Variants in TERB2 observed in about 807,000 individuals in gnomAD.
TERB2 encodes the protein telomere repeat binding bouquet formation protein 2.
A neutral mutation model predicts 29.8 loss-of-function variants in TERB2; 26 were observed. That is an observed-to-expected ratio of 0.87 (90% CI 0.64 to 1.21). The LOEUF (loss-of-function observed/expected upper bound fraction) is 1.21. Among genes scored for constraint, TERB2 ranks in the 50% most tolerant of loss-of-function variants. The probability of loss-of-function intolerance (pLI) is 0.00; values close to 1 mark genes in which losing one functional copy is unlikely to be tolerated. For missense variants in TERB2, 240 were observed against 268.6 expected, an observed-to-expected ratio of 0.89 and a Z score of 0.74; for synonymous variants, 80 against 90.8, an observed-to-expected ratio of 0.88 and a Z score of 0.68.
chr15:44,970,782 G>A (rs533622926), intron 5 of TERB2: 2 of 159,154 alleles, frequency 1.3e-5, no homozygotes, highest in East Asian at 3.6e-4. Context: ...CTTAGCTAGA[G>A]TTCTACTTCT....
In TERB2 at chr15:44,962,009, A is replaced by G. The variant is rs961759204; in HGVS notation, c.348+425A>G. ...GCCACTGTGCCCAGCACAGATTAAG[A>G]AATTTAAAGGGCATGCTGTTATTGA... On this transcript the variant is annotated intron_variant, in intron 4 of 6. Coordinates refer to ENST00000340827, the MANE Select transcript of TERB2 (RefSeq NM_152448.3). 7.3e-5 allele frequency among the ~76,000 whole-genome samples: 11 copies of G among 151,612 alleles called. No homozygotes were observed. The East Asian group carries it at 2.2e-3, about 30-fold the overall frequency.
intron 6 of TERB2, among the ~76,000 whole-genome samples, chr15:44,974,701 AAT>A (rs1892018660): frequency 6.6e-6 from 1 of 152,186 alleles, no homozygotes; most frequent in Admixed American, 6.5e-5. Flanking sequence ...CAATTTTAAA[AAT>A]AGAGATTTTT....
At chr15:44,976,008 A>G (rs763524272) in intron 6 of TERB2, 42 of 152,224 alleles carry the variant, frequency 2.8e-4, no homozygotes, top group Non-Finnish European at 4.4e-4. Flanking sequence ...TTAGTTATTT[A>G]TTGATGTAAA....
At chr15:44,973,709 A>C in intron 5 of TERB2, 158 bp from the exon 6 acceptor site, 2 of 501,876 alleles carry the variant, frequency 4.0e-6, no homozygotes, top group Non-Finnish European at 5.3e-6. Flanking sequence ...TTACTTGTAA[A>C]ACAAATCCAA....
rs139389585 is a variant in TERB2 at position 44,977,163 on chromosome 15, T to C, written c.524-1326T>C. Among the ~76,000 whole-genome samples the C allele has an allele frequency of 2.4e-3, 367 of 152,158 alleles. 2 individuals carry two copies. The highest frequency in any genetic ancestry group is 8.1e-3 in the African/African-American group (335 of 41,534). On this transcript the variant is annotated intron_variant, in intron 6 of 6. Coordinates refer to ENST00000340827, the MANE Select transcript of TERB2 (RefSeq NM_152448.3). ...AACTTCAGACTGGTGAGAGCAATCA[T>C]AGCTGGTTCTAATTAACTCTGAGTC...
Position 44,978,674 on chromosome 15 carries a change from T to C in TERB2, c.*46T>C, listed in dbSNP as rs373784187. ...TTGGCATTTATTTTCTATAAAATAT[T>C]ATACAGATGTGCATATCATAAAATG... is the stretch of plus-strand genomic sequence containing the variant. On this transcript the variant is annotated 3_prime_UTR_variant, in exon 7 of 7. Transcript: ENST00000340827. The C allele has an allele frequency of 8.0e-6, 12 of 1,502,978 alleles. No individual in the cohort carries two copies. The highest frequency in any genetic ancestry group is 2.3e-5 in the East Asian group (1 of 42,698). The allele number at this position is 1,502,978 out of a possible 1,614,324, so 93.1% of individuals were successfully genotyped here.
intron 5 of TERB2, among the ~76,000 whole-genome samples, chr15:44,968,394 T>C (rs1891919498): frequency 6.6e-6 from 1 of 151,900 alleles, no homozygotes; most frequent in Non-Finnish European, 1.5e-5. Context: ...TAATTGTTTG[T>C]ATTTTTAGTA....
chr15:44,969,654 T>C (rs746079507), intron 5 of TERB2, among the ~76,000 whole-genome samples: 2 of 150,636 alleles, frequency 1.3e-5, no homozygotes, highest in African/African-American at 2.5e-5. Flanking sequence ...ATTAACTGGG[T>C]GTAGTGGTGT....
Position 44,973,888 on chromosome 15 carries a change from A to G in TERB2, c.456A>G (p.Arg152=). The change falls in exon 6 of 7, where the codon AGA becomes AGG. Residue 152 remains arginine (R), a synonymous_variant. Coordinates refer to ENST00000340827, the MANE Select transcript of TERB2 (RefSeq NM_152448.3). The part of the protein sequence containing the change: ...LSKSPEKHFI[R]TPVVEKQMYF... Reference sequence around the variant, plus strand: ...ACAGCCCAGAAAAGCATTTTATAAGAACTCCAGTTGTAGAAAAGCAGATGT... The same window carrying G: ...ACAGCCCAGAAAAGCATTTTATAAGGACTCCAGTTGTAGAAAAGCAGATGT... 6.3e-7 allele frequency: 1 copy of G among 1,597,720 alleles called. No homozygotes were observed. The highest frequency in any genetic ancestry group is 2.3e-5 in the East Asian group (1 of 44,094).
At chr15:44,978,432 A>C (rs1371698692) in intron 6 of TERB2, 57 bp from the exon 7 acceptor site, 2 of 1,461,612 alleles carry the variant, frequency 1.4e-6, no homozygotes, top group Admixed American at 4.7e-5. Flanking sequence ...GACACTGAAA[A>C]GCAAATAGTA....
At chr15:44,968,530 T>G (rs1891921623) in intron 5 of TERB2, among the ~76,000 whole-genome samples, 1 of 151,882 alleles carries the variant, frequency 6.6e-6, no homozygotes, top group Non-Finnish European at 1.5e-5. Context: ...CCGAAAAATC[T>G]TATTTGATAT....
At chr15:44,976,807 T>C (rs1183478221) in intron 6 of TERB2, among the ~76,000 whole-genome samples, 2 of 152,174 alleles carry the variant, frequency 1.3e-5, no homozygotes, top group Non-Finnish European at 2.9e-5. Flanking sequence ...TGCTCAACAT[T>C]TGCTTTGAGA....
chr15:44,978,756 G>T lies in TERB2; in HGVS notation c.*128G>T. On this transcript the variant is annotated 3_prime_UTR_variant, in exon 7 of 7. Coordinates refer to ENST00000340827, the MANE Select transcript of TERB2 (RefSeq NM_152448.3). ...GGAAATAATTTTTCTGTTTCTCAAA[G>T]TATATCTTTAGGAAATACAGAATCA... 1.6e-6 allele frequency: 2 copies of T among 1,212,136 alleles called. No homozygotes were observed. The highest frequency in any genetic ancestry group is 1.5e-5 in the African/African-American group (1 of 64,896). 75.1% of individuals were successfully genotyped at this position (1,212,136 alleles called of 1,614,324 possible). A position where few individuals can be genotyped will look rare whatever the true frequency, so the allele number is the denominator to read the frequency against.
chr15:44,977,656 T>G (rs1221894143), intron 6 of TERB2, among the ~76,000 whole-genome samples: 4 of 152,212 alleles, frequency 2.6e-5, no homozygotes, highest in African/African-American at 9.6e-5. Flanking sequence ...TTATTAACTC[T>G]GAATTTATTA....
At chr15:44,974,011 T>G in intron 6 of TERB2, 56 bp downstream of exon 6, 1 of 1,393,094 alleles carries the variant, frequency 7.2e-7, no homozygotes, top group Non-Finnish European at 9.5e-7. Flanking sequence ...AAGGGAATAT[T>G]GTGTTGAATA....
At chr15:44,977,753 C>G (rs1242164525) in intron 6 of TERB2, among the ~76,000 whole-genome samples, 2 of 152,066 alleles carry the variant, frequency 1.3e-5, no homozygotes, top group Non-Finnish European at 2.9e-5. Flanking sequence ...TCCTTGAGCT[C>G]TACCAGAATT....
chr15:44,960,971 T>G (rs1891791747), intron 3 of TERB2, among the ~76,000 whole-genome samples: 1 of 151,924 alleles, frequency 6.6e-6, no homozygotes, highest in African/African-American at 2.4e-5. Flanking sequence ...TATAGCTATA[T>G]AGACATTAGA....
Position 44,956,904 on chromosome 15 carries a change from G to C in TERB2, c.73G>C (p.Gly25Arg). ...QDLRQFWVAE[G>R]GTISDPRAAD... ...TGCTCTTACCTCCACAGTGGCTGAA[G>C]GGGGAACGATCAGTGACCCGCGAGC... Residue 25 changes from glycine (G) to arginine (R), a missense_variant, in exon 2 of 7, where the codon GGG becomes CGG. Gly to Arg is a moderately radical substitution (Grantham distance 125). Transcript: ENST00000340827. 2 of 1,614,034 alleles carry C rather than the reference G, an allele frequency of 1.2e-6. No individual in the cohort carries two copies. The highest frequency in any genetic ancestry group is 1.7e-6 in the Non-Finnish European group (2 of 1,179,974).
intron 5 of TERB2, among the ~76,000 whole-genome samples, chr15:44,967,622 G>C (rs1461721559): frequency 5.9e-5 from 9 of 151,746 alleles, no homozygotes; most frequent in African/African-American, 2.2e-4. Flanking sequence ...TCAGTGCCTG[G>C]AAATGTTTAA....
Sources: gnomAD v4.1 joint callset for allele counts (sites outside exome capture counted in the v4.1 genomes callset) on GRCh38, gnomAD v4.1.1 for gene constraint, MANE v1.5 for transcripts, NCBI Gene and HGNC (gene_info 2026-07-23, HGNC 2026-07-21) for gene names.